IL1RL2: variants seen among roughly 807,000 people sequenced by gnomAD.
IL1RL2 encodes the protein interleukin 1 receptor like 2.
In IL1RL2, 68 loss-of-function variants were observed where a neutral mutation model predicts 66.8. That is an observed-to-expected ratio of 1.02 (90% CI 0.84 to 1.25). The LOEUF (loss-of-function observed/expected upper bound fraction) is 1.25, where lower values mean the gene tolerates loss of function less well. Among genes scored for constraint, IL1RL2 ranks in the 50% most tolerant of loss-of-function variants. IL1RL2 has a pLI of 0.00. For missense variants in IL1RL2, 729 were observed against 709.3 expected (o/e 1.03, Z -0.32); for synonymous variants, 305 against 264.6 (o/e 1.15, Z -1.48).
At chr2:102,219,781 A>AGT in intron 7 of IL1RL2, 100 bp from the exon 8 acceptor site, 1 of 1,167,868 alleles carries the variant, frequency 8.6e-7, no homozygotes, top group Non-Finnish European at 1.2e-6. Context: ...GATGGCCCAA[A>AGT]GTGTTCTCAA....
Position 102,199,449 on chromosome 2 carries a change from T to C in IL1RL2, c.490-2107T>C, listed in dbSNP as rs146528567. 5.7e-3 allele frequency among the ~76,000 whole-genome samples: 862 copies of C among 152,332 alleles called. 6 individuals carry two copies. The highest frequency in any genetic ancestry group is 0.02 in the African/African-American group (837 of 41,580). Reference sequence around the variant, plus strand: ...AGGCTATTTTGTGTTTCTGAAATATTGTACATGCTGGGTCAGGAGTTTTCT... The same window carrying C: ...AGGCTATTTTGTGTTTCTGAAATATCGTACATGCTGGGTCAGGAGTTTTCT... On this transcript the variant is annotated intron_variant, in intron 4 of 11. Transcript: ENST00000264257.
chr2:102,212,831 T>C (rs1479675743), intron 6 of IL1RL2, among the ~76,000 whole-genome samples: 1 of 151,894 alleles, frequency 6.6e-6, no homozygotes, highest in African/African-American at 2.4e-5. Context: ...TAGCCGGGCA[T>C]GGTGGCAGGC....
In IL1RL2 at chr2:102,235,260, C is replaced by T. The variant is rs1674776516; in HGVS notation, c.1661C>T (p.Pro554Leu). 6.2e-7 allele frequency: 1 copy of T among 1,613,332 alleles called. No homozygotes were observed. The highest frequency in any genetic ancestry group is 1.7e-5 in the Admixed American group (1 of 60,008). Residue 554 changes from proline to leucine, a missense_variant, in exon 11 of 12, where the codon CCT becomes CTT. Transcript: ENST00000264257. ...CCGGTCCAGCTGCTGCAGCACACAC[C>T]TTGCTACCGCACCGCAGGTGAGCGG... ...FPPVQLLQHT[P>L]CYRTAGPELG...
rs766067461 is a variant in IL1RL2 at position 102,192,166 on chromosome 2, A to T, written c.489+46A>T. On this transcript the variant is annotated intron_variant, in intron 4 of 11. Coordinates refer to ENST00000264257, the MANE Select transcript of IL1RL2 (RefSeq NM_003854.4). The stretch of plus-strand genomic sequence containing the variant: ...TGATATTTTTCCTCCTTTTCTTTAA[A>T]ACCCACTGTTTTTTATAGGTTAAGT... The T allele has an allele frequency of 1.1e-5, 14 of 1,330,740 alleles. No homozygotes were observed. In the East Asian group the frequency reaches 3.4e-4, roughly 32 times the overall value. 82.4% of individuals were successfully genotyped at this position (1,330,740 alleles called of 1,614,324 possible).
Position 102,187,930 on chromosome 2 carries a change from G to A in IL1RL2, c.58+5G>A. ...TTCCACTGTCTGTCACAGCAGGTAC[G>A]TTCCGTGTGTCCTCCGTTCCCAGAG... On this transcript the variant is annotated splice_donor_5th_base_variant and intron_variant, in intron 2 of 11. Coordinates refer to ENST00000264257, the MANE Select transcript of IL1RL2 (RefSeq NM_003854.4). 6.2e-7 allele frequency: 1 copy of A among 1,613,640 alleles called. No individual in the cohort carries two copies. Among genetic ancestry groups the A allele is most frequent in the Non-Finnish European group, 8.5e-7 (1 of 1,179,602 alleles).
upstream of IL1RL2, chr2:102,186,984 T>C (rs13017584): frequency 0.047 from 60,488 of 1,277,962 alleles, 1,633 homozygotes; most frequent in Middle Eastern, 0.14. Context: ...CCGCCCACGG[T>C]GGCGGGGAAA....
At chr2:102,202,037 T>G (rs1233465020) in intron 5 of IL1RL2, among the ~76,000 whole-genome samples, 1 of 152,204 alleles carries the variant, frequency 6.6e-6, no homozygotes, top group African/African-American at 2.4e-5. Flanking sequence ...ATAGTAGATG[T>G]GATGAACATG....
chr2:102,187,843 C>G lies in IL1RL2; in HGVS notation c.-12-13C>G, dbSNP rs369084151. 4 of 1,601,510 alleles carry G rather than the reference C, an allele frequency of 2.5e-6. No homozygotes were observed. In the South Asian group the frequency reaches 4.4e-5, roughly 18 times the overall value. On this transcript the variant is annotated splice_polypyrimidine_tract_variant and intron_variant, in intron 1 of 11. Coordinates refer to ENST00000264257, the MANE Select transcript of IL1RL2 (RefSeq NM_003854.4). ...GCGTCCTCCCCTCCCACCCTCTTCTCCCTTCCTTGCAGCCCGGTTTGGGGA... is the reference window on the plus strand; with the variant it reads ...GCGTCCTCCCCTCCCACCCTCTTCTGCCTTCCTTGCAGCCCGGTTTGGGGA...
At chr2:102,232,462 T>C (rs1033884663) in intron 9 of IL1RL2, among the ~76,000 whole-genome samples, 1 of 152,304 alleles carries the variant, frequency 6.6e-6, no homozygotes, top group East Asian at 1.9e-4. Flanking sequence ...TAGCTGGGAT[T>C]TCAGGCCTGA....
chr2:102,227,348 A>G (rs1320865547), intron 9 of IL1RL2, among the ~76,000 whole-genome samples: 1 of 152,248 alleles, frequency 6.6e-6, no homozygotes, highest in East Asian at 1.9e-4. Flanking sequence ...CTTGCTTTGC[A>G]CATAAAATAC....
intron 1 of IL1RL2, 53 bp from the exon 2 acceptor site, chr2:102,187,803 C>T (rs1686819012): frequency 1.3e-6 from 2 of 1,490,158 alleles, no homozygotes; most frequent in Non-Finnish European, 1.9e-6. Context: ...GCCGGCGCCT[C>T]GGGCCCGCCC....
chr2:102,188,414 C>G (rs1224369517), intron 2 of IL1RL2, among the ~76,000 whole-genome samples: 1 of 151,794 alleles, frequency 6.6e-6, no homozygotes, highest in Non-Finnish European at 1.5e-5. Context: ...GAAACCCCGT[C>G]TCTACTAAAA....
chr2:102,188,107 C>T (rs904755301), intron 2 of IL1RL2, among the ~76,000 whole-genome samples, 182 bp downstream of exon 2: 28 of 152,162 alleles, frequency 1.8e-4, no homozygotes, highest in South Asian at 6.2e-4. Context: ...GATGCTCAGC[C>T]CTGAATGTCG....
At chr2:102,199,513 C>T (rs979368428) in intron 4 of IL1RL2, among the ~76,000 whole-genome samples, 5 of 152,168 alleles carry the variant, frequency 3.3e-5, no homozygotes, top group Admixed American at 3.3e-4. Context: ...CAAAAGTGGA[C>T]GCTATTGTTC....
rs1690562843 is a variant in IL1RL2, at chr2:102,225,917, C to G, written c.1011C>G (p.Tyr337Ter). Residue 337 changes from tyrosine to a stop codon, truncating the protein, a stop_gained, in exon 9 of 12, where the codon TAC (tyrosine) becomes TAG (stop). Coordinates refer to ENST00000264257, the MANE Select transcript of IL1RL2 (RefSeq NM_003854.4). LOFTEE classifies it high-confidence loss of function. ...LQLPAPDFRA[Y>*]LIGGLIALVA... ...TTGTAGCTCCGGATTTTCGAGCTTA[C>G]TTGATAGGAGGGCTTATCGCCTTGG... 6.3e-7 allele frequency: 1 copy of G among 1,586,134 alleles called. No homozygotes were observed. Among genetic ancestry groups the G allele is most frequent in the Non-Finnish European group, 8.6e-7 (1 of 1,167,408 alleles).
At chr2:102,198,226 C>T (rs992699967) in intron 4 of IL1RL2, among the ~76,000 whole-genome samples, 1 of 152,070 alleles carries the variant, frequency 6.6e-6, no homozygotes, top group East Asian at 1.9e-4. Context: ...GGGAATCAGT[C>T]AGAAAGTAAT....
chr2:102,222,509 G>A (rs553745334), intron 8 of IL1RL2, among the ~76,000 whole-genome samples: 2 of 152,220 alleles, frequency 1.3e-5, no homozygotes, highest in Admixed American at 6.5e-5. Context: ...GGAAACTCCC[G>A]GCTTGACATT....
intron 4 of IL1RL2, among the ~76,000 whole-genome samples, chr2:102,195,631 C>CCTTCTT (rs1559530301): frequency 7.4e-4 from 18 of 24,402 alleles, no homozygotes; most frequent in African/African-American, 1.6e-3. Flanking sequence ...CTTTCTTTCT[C>CCTTCTT]TCTCTCTCTC....
chr2:102,201,475 G>A, intron 4 of IL1RL2, 81 bp from the exon 5 acceptor site: 1 of 1,307,926 alleles, frequency 7.6e-7, no homozygotes, highest in Non-Finnish European at 1.1e-6. Flanking sequence ...CTTCCAGTTA[G>A]ACTGTAAATT....
Sources: allele counts gnomAD v4.1 joint callset (sites outside exome capture counted in the v4.1 genomes callset), GRCh38; gene constraint gnomAD v4.1.1; transcripts MANE v1.5; gene names NCBI Gene and HGNC (gene_info 2026-07-23, HGNC 2026-07-21).